The following GLIS3 variants were observed in gnomAD, a reference collection of about 807,000 sequenced individuals.
The protein encoded by GLIS3 is zinc finger protein GLIS3.
In GLIS3, 53 loss-of-function variants were observed where a neutral mutation model predicts 78.6. The observed-to-expected ratio is 0.67, with a 90% CI of 0.54 to 0.85. The LOEUF (loss-of-function observed/expected upper bound fraction) is 0.85, where lower values mean the gene tolerates loss of function less well. Among genes scored for constraint, GLIS3 ranks in the 40% least tolerant of loss-of-function variants. GLIS3 has a pLI of 0.00. For synonymous variants in GLIS3, 684 were observed against 509.9 expected (o/e 1.34, Z -4.60); for missense variants, 1,703 against 1,231.1 (o/e 1.38, Z -5.74).
the GLIS3 span, among the ~76,000 whole-genome samples, chr9:4,376,977 T>C: frequency 0.032 from 4,301 of 135,090 alleles, 838 homozygotes; most frequent in African/African-American, 0.1. Context: ...CCACCTGAGA[T>C]TGCCTCCCAG....
At chr9:4,041,364 C>T (rs367881600) in intron 4 of GLIS3, among the ~76,000 whole-genome samples, 1 of 152,180 alleles carries the variant, frequency 6.6e-6, no homozygotes, top group African/African-American at 2.4e-5. Context: ...ACTATCTTGC[C>T]CCCAGTGTCA....
intron 2 of GLIS3, among the ~76,000 whole-genome samples, chr9:4,325,806 G>A (rs745934457): frequency 1.3e-5 from 2 of 152,102 alleles, no homozygotes; most frequent in Non-Finnish European, 2.9e-5. Context: ...CAACCTAGAT[G>A]CCCATCAATG....
intron 2 of GLIS3, among the ~76,000 whole-genome samples, chr9:4,243,418 G>A (rs535315188): frequency 2.0e-5 from 3 of 150,700 alleles, no homozygotes; most frequent in Admixed American, 6.6e-5. Context: ...ACACACATAC[G>A]CATAGAGTAC....
intron 3 of GLIS3, among the ~76,000 whole-genome samples, chr9:4,124,378 T>C (rs1170798555): frequency 6.6e-6 from 1 of 152,230 alleles, no homozygotes; most frequent in Non-Finnish European, 1.5e-5. Context: ...GATACATGGC[T>C]TAAGCAGTCT....
chr9:4,170,178 C>G (rs1053772942), intron 2 of GLIS3, among the ~76,000 whole-genome samples: 1 of 152,114 alleles, frequency 6.6e-6, no homozygotes, highest in Admixed American at 6.5e-5. Flanking sequence ...TTAAAGCGAT[C>G]TGAAGAAACT....
At chr9:4,422,593 G>C in the GLIS3 span, among the ~76,000 whole-genome samples, 1 of 152,180 alleles carries the variant, frequency 6.6e-6, no homozygotes, top group Non-Finnish European at 1.5e-5. Flanking sequence ...CCTGTGCTAG[G>C]TCCTATATGA....
intron 4 of GLIS3, among the ~76,000 whole-genome samples, chr9:4,050,411 C>T (rs927572198): frequency 9.2e-5 from 14 of 152,114 alleles, no homozygotes; most frequent in African/African-American, 3.4e-4. Flanking sequence ...AACACTTGTA[C>T]ACAGGGCGGG....
chr9:4,120,862 A>G (rs955762712), intron 3 of GLIS3, among the ~76,000 whole-genome samples: 4 of 152,216 alleles, frequency 2.6e-5, no homozygotes, highest in African/African-American at 9.6e-5. Flanking sequence ...TACTTTGCTT[A>G]TAAAATTGTA....
intron 2 of GLIS3, among the ~76,000 whole-genome samples, chr9:4,201,405 T>G (rs531169109): frequency 6.6e-6 from 1 of 152,312 alleles, no homozygotes; most frequent in Admixed American, 6.5e-5. Flanking sequence ...CCCGTCTTTG[T>G]GGAAAATCTG....
chr9:4,264,729 C>T (rs1484352582), intron 2 of GLIS3, among the ~76,000 whole-genome samples: 1 of 152,162 alleles, frequency 6.6e-6, no homozygotes, highest in Admixed American at 6.5e-5. Context: ...CTTTGTTTCT[C>T]CCTATAGCAC....
chr9:3,999,449 A>G (rs997469566), intron 4 of GLIS3, among the ~76,000 whole-genome samples: 11 of 152,168 alleles, frequency 7.2e-5, no homozygotes, highest in Admixed American at 5.2e-4. Flanking sequence ...TTGCATTTCT[A>G]TGCACCAGCA....
intron 4 of GLIS3, among the ~76,000 whole-genome samples, chr9:4,021,050 T>G (rs1822843561): frequency 6.6e-6 from 1 of 152,214 alleles, no homozygotes; most frequent in African/African-American, 2.4e-5. Context: ...GCATCTGCAG[T>G]TCTTGGATAA....
At position 4,169,682 on chromosome 9, in the gene GLIS3, G is replaced by A. The variant is rs552595314; in HGVS notation, c.389-43741C>T. ...ATGTTTGTAGAAACTGTACATTAAC[G>A]TATTTAGGGGTAAAAGGGCATCGAG... On this transcript the variant is annotated intron_variant, in intron 2 of 10. Transcript: ENST00000381971. Among the ~76,000 whole-genome samples, 21 of 152,204 alleles carry A rather than the reference G, an allele frequency of 1.4e-4. No individual in the cohort carries two copies. The East Asian group carries it at 3.7e-3, about 27-fold the overall frequency.
chr9:4,054,174 C>G (rs1825949857), intron 4 of GLIS3: 1 of 222,648 alleles, frequency 4.5e-6, no homozygotes, highest in South Asian at 1.6e-4. Flanking sequence ...AGTCACAGGA[C>G]TCTCTGGTGG....
chr9:3,962,955 G>T (rs544153466), intron 4 of GLIS3, among the ~76,000 whole-genome samples: 1 of 150,942 alleles, frequency 6.6e-6, no homozygotes, highest in Non-Finnish European at 1.5e-5. Flanking sequence ...AAGGGGGGGG[G>T]GGGGAGAGAG....
chr9:4,445,344 A>G, the GLIS3 span, among the ~76,000 whole-genome samples: 1 of 152,224 alleles, frequency 6.6e-6, no homozygotes, highest in Non-Finnish European at 1.5e-5. Flanking sequence ...AAATTCGTCC[A>G]GGCCAGGTGT....
At chr9:3,871,797 T>C (rs372261183) in intron 8 of GLIS3, among the ~76,000 whole-genome samples, 121 of 152,326 alleles carry the variant, frequency 7.9e-4, no homozygotes, top group African/African-American at 2.8e-3. Flanking sequence ...ACTGGAGACA[T>C]TTTCCCCATT....
intron 4 of GLIS3, among the ~76,000 whole-genome samples, chr9:4,008,942 C>A (rs147287478): frequency 1.3e-3 from 195 of 152,106 alleles, no homozygotes; most frequent in African/African-American, 4.6e-3. Context: ...CAGCCTAGGG[C>A]TCTTTCCACT....
the GLIS3 span, among the ~76,000 whole-genome samples, chr9:4,443,599 C>A: frequency 1.3e-5 from 2 of 152,150 alleles, no homozygotes; most frequent in East Asian, 1.9e-4. Flanking sequence ...GAGAAAGTAA[C>A]CAGGGTTGAA....
Sources: allele counts gnomAD v4.1 joint callset (sites outside exome capture counted in the v4.1 genomes callset), GRCh38; gene constraint gnomAD v4.1.1; transcripts MANE v1.5; gene names NCBI Gene and HGNC (gene_info 2026-07-23, HGNC 2026-07-21).